Variants in SH2D4A observed in about 807,000 individuals in gnomAD.
SH2D4A encodes the protein SH2 domain-containing protein 4A.
A neutral mutation model predicts 64.7 loss-of-function variants in SH2D4A; 70 were observed. The observed-to-expected ratio is 1.08, with a 90% CI of 0.89 to 1.32. The LOEUF is 1.32. Among genes scored for constraint, SH2D4A ranks in the 40% most tolerant of loss-of-function variants. The pLI, the probability that SH2D4A is intolerant of heterozygous loss-of-function variation, is 0.00. For missense variants in SH2D4A, 706 were observed against 540.1 expected, an observed-to-expected ratio of 1.31 and a Z score of -3.04; for synonymous variants, 268 against 200.7, an observed-to-expected ratio of 1.34 and a Z score of -2.83.
chr8:19,321,327 C>T (rs1275494640), intron 2 of SH2D4A, among the ~76,000 whole-genome samples: 2 of 152,180 alleles, frequency 1.3e-5, no homozygotes, highest in African/African-American at 4.8e-5. Context: ...AATTCTCCTG[C>T]CTCAGCCTCC....
At chr8:19,359,061 T>C (rs1469282127) in intron 5 of SH2D4A, among the ~76,000 whole-genome samples, 5 of 152,194 alleles carry the variant, frequency 3.3e-5, no homozygotes, top group Non-Finnish European at 7.3e-5. Flanking sequence ...GATGGTCTTC[T>C]GAATAGAGAA....
At chr8:19,317,126 T>C (rs1437667182) in intron 1 of SH2D4A, among the ~76,000 whole-genome samples, 1 of 152,208 alleles carries the variant, frequency 6.6e-6, no homozygotes, top group African/African-American at 2.4e-5. Context: ...TTCTGCCGTG[T>C]GTGATTTCTG....
intron 8 of SH2D4A, among the ~76,000 whole-genome samples, chr8:19,388,705 C>G (rs2053431378): frequency 6.6e-6 from 1 of 152,158 alleles, no homozygotes. Flanking sequence ...CATCTCTTGT[C>G]CCTATGATCA....
In SH2D4A at chr8:19,382,500, G is replaced by A. The variant is rs536098925; in HGVS notation, c.1048+8840G>A. Among the ~76,000 whole-genome samples, 34 of 152,118 alleles carry A rather than the reference G, an allele frequency of 2.2e-4. 1 individual carries two copies. The highest frequency in any genetic ancestry group is 4.8e-4 in the African/African-American group (20 of 41,486). On this transcript the variant is annotated intron_variant, in intron 8 of 9. Transcript: ENST00000265807. The stretch of plus-strand genomic sequence containing the variant: ...CAATAAATTACATGGGATATTCAAC[G>A]CTTATAAAATAGTCTTTGTGTTAGA...
Position 19,364,268 on chromosome 8 carries a change from T to G in SH2D4A, c.903T>G (p.Pro301=). 6.2e-7 allele frequency: 1 copy of G among 1,614,018 alleles called. No homozygotes were observed. The highest frequency in any genetic ancestry group is 1.7e-5 in the Admixed American group (1 of 60,016). The change falls in exon 7 of 10, where the codon CCT becomes CCG. Residue 301 remains proline, a synonymous_variant. Transcript: ENST00000265807. ...KPQFLNSGAY[P]QKPLRNQGVV... The stretch of plus-strand genomic sequence containing the variant: ...AGTTCCTAAACTCAGGGGCATATCC[T>G]CAAAAACCTCTTAGGTAAGAAGCCA...
chr8:19,321,997 A>G (rs1431779899), intron 2 of SH2D4A, among the ~76,000 whole-genome samples: 1 of 151,968 alleles, frequency 6.6e-6, no homozygotes, highest in Non-Finnish European at 1.5e-5. Context: ...TCATGAGAAA[A>G]GTATGTTAAT....
At chr8:19,335,000 C>T (rs1396570732) in intron 4 of SH2D4A, 143 bp downstream of exon 4, 2 of 1,017,400 alleles carry the variant, frequency 2.0e-6, no homozygotes, top group Non-Finnish European at 2.7e-6. Context: ...TAAGATCCTC[C>T]AGGGCAGGCA....
intron 8 of SH2D4A, chr8:19,375,449 T>A (rs2053177237): frequency 1.3e-5 from 2 of 152,200 alleles, no homozygotes; most frequent in Admixed American, 1.3e-4. Flanking sequence ...AGATGCTATT[T>A]TGGTTGCCTA....
intron 8 of SH2D4A, among the ~76,000 whole-genome samples, chr8:19,375,898 C>A (rs543761759): frequency 1.4e-4 from 22 of 152,140 alleles, no homozygotes; most frequent in African/African-American, 5.1e-4. Context: ...GAAAAAGTTC[C>A]AAACTCCTCC....
chr8:19,318,511 C>T (rs1349834912), intron 1 of SH2D4A, among the ~76,000 whole-genome samples: 4 of 152,202 alleles, frequency 2.6e-5, no homozygotes, highest in East Asian at 3.8e-4. Context: ...TGTGCACTCT[C>T]GCTTTATGGT....
At chr8:19,339,492 TTTC>T (rs1165666898) in intron 4 of SH2D4A, among the ~76,000 whole-genome samples, 1 of 46,178 alleles carries the variant, frequency 2.2e-5, no homozygotes, top group East Asian at 7.0e-4. Context: ...CCCTATAAAC[TTTC>T]TTTTTTTTTT....
intron 2 of SH2D4A, among the ~76,000 whole-genome samples, chr8:19,325,058 A>C (rs972625070): frequency 3.3e-5 from 5 of 151,930 alleles, no homozygotes. Context: ...GCAAAACCCA[A>C]TTCACCAGCA....
intron 7 of SH2D4A, among the ~76,000 whole-genome samples, chr8:19,373,324 C>T (rs974035013): frequency 3.5e-5 from 5 of 144,410 alleles, no homozygotes; most frequent in African/African-American, 1.4e-4. Context: ...CTCTCTCTCC[C>T]CCCACCCCCA....
At position 19,394,772 on chromosome 8, in the gene SH2D4A, A is replaced by G. The variant is rs866110550; in HGVS notation, c.*130A>G. ...AATACTGATCAACTGAAAGTAAAGT[A>G]TCCATGGAGTCCTCATTGACACCTC... On this transcript the variant is annotated 3_prime_UTR_variant, in exon 10 of 10. Coordinates refer to ENST00000265807, the MANE Select transcript of SH2D4A (RefSeq NM_022071.4). 7.3e-6 allele frequency: 3 copies of G among 410,292 alleles called. No homozygotes were observed. Among genetic ancestry groups the G allele is most frequent in the Non-Finnish European group, 1.3e-5 (3 of 230,508 alleles). The allele number at this position is 410,292 out of a possible 1,614,324, so 25.4% of individuals were successfully genotyped here.
intron 2 of SH2D4A, among the ~76,000 whole-genome samples, chr8:19,320,506 C>G (rs2052169791): frequency 6.6e-6 from 1 of 151,726 alleles, no homozygotes; most frequent in South Asian, 2.1e-4. Flanking sequence ...TGCCTATAGT[C>G]CCAACTACTT....
intron 7 of SH2D4A, among the ~76,000 whole-genome samples, chr8:19,373,278 A>C (rs17128322): frequency 0.031 from 4,671 of 151,380 alleles, 264 homozygotes; most frequent in African/African-American, 0.11. Flanking sequence ...ATTGAATTAG[A>C]TCTGGAAATG....
Position 19,313,784 on chromosome 8 carries a change from C to T in SH2D4A, c.-244C>T, listed in dbSNP as rs1483245500. On this transcript the variant is annotated 5_prime_UTR_variant, in exon 1 of 10. Transcript: ENST00000265807. ...GCTTCTGGCGGCCAAGTGGATGTGG[C>T]GGGTGATCGAGCCACCCTGCCCAGG... The T allele has an allele frequency of 3.3e-6, 5 of 1,511,818 alleles. No individual in the cohort carries two copies. Among genetic ancestry groups the T allele is most frequent in the Middle Eastern group, 1.7e-4 (1 of 5,884 alleles). The allele number at this position is 1,511,818 out of a possible 1,614,324, so 93.7% of individuals were successfully genotyped here.
At chr8:19,349,537 C>G (rs2052664099) in intron 4 of SH2D4A, among the ~76,000 whole-genome samples, 1 of 152,138 alleles carries the variant, frequency 6.6e-6, no homozygotes, top group Non-Finnish European at 1.5e-5. Flanking sequence ...ACTTATTGAA[C>G]TCATTAAAAG....
chr8:19,314,256 G>T (rs1254508723), intron 1 of SH2D4A, among the ~76,000 whole-genome samples: 1 of 152,188 alleles, frequency 6.6e-6, no homozygotes, highest in African/African-American at 2.4e-5. Flanking sequence ...CTGGCCTAGA[G>T]TTTCTAGACT....
Sources: gnomAD v4.1 joint callset for allele counts (sites outside exome capture counted in the v4.1 genomes callset) on GRCh38, gnomAD v4.1.1 for gene constraint, MANE v1.5 for transcripts, NCBI Gene and HGNC (gene_info 2026-07-23, HGNC 2026-07-21) for gene names.